LTN1: variants seen among roughly 807,000 people sequenced by gnomAD.
LTN1 encodes the protein E3 ubiquitin-protein ligase listerin.
LTN1 carries 88 observed loss-of-function variants against 201.2 expected under a neutral mutation model. The observed-to-expected ratio is 0.44, with a 90% CI of 0.37 to 0.52. The LOEUF is 0.52. LTN1 is among the 20% of genes least tolerant of loss of function. LTN1 has a pLI of 0.00. For synonymous variants in LTN1, 645 were observed against 713.5 expected (o/e 0.90, Z 1.53); for missense variants, 1,752 against 2,038.7 (o/e 0.86, Z 2.71).
intron 26 of LTN1, among the ~76,000 whole-genome samples, chr21:28,935,939 A>G (rs183065879): frequency 1.2e-3 from 188 of 152,324 alleles, no homozygotes; most frequent in African/African-American, 4.4e-3. Context: ...ATAAAATAGA[A>G]TACACATATT....
chr21:28,964,928 A>G (rs998165780), intron 11 of LTN1, among the ~76,000 whole-genome samples: 1 of 152,176 alleles, frequency 6.6e-6, no homozygotes, highest in African/African-American at 2.4e-5. Flanking sequence ...AGTGTGCCTG[A>G]TAAGTCATAT....
chr21:28,957,244 T>A lies in LTN1; in HGVS notation c.2892+88A>T. ...CAAAGCAAAATACTCATTTTATTTA[T>A]GTTTTTCTTCCCCAAAATAAAAATA... On this transcript the variant is annotated intron_variant, in intron 15 of 29. Coordinates refer to ENST00000361371, the MANE Select transcript of LTN1 (RefSeq NM_015565.3). 3 of 1,271,338 alleles carry A rather than the reference T, an allele frequency of 2.4e-6. No individual in the cohort carries two copies. The South Asian group carries it at 4.6e-5, about 20-fold the overall frequency. The allele number at this position is 1,271,338 out of a possible 1,614,324, so 78.8% of individuals were successfully genotyped here.
At chr21:28,981,422 T>C in intron 5 of LTN1, 123 bp from the exon 6 acceptor site, 1 of 521,796 alleles carries the variant, frequency 1.9e-6, no homozygotes. Context: ...TTCTATCTTC[T>C]ATTTCCCCTG....
chr21:28,983,004 TCA>T, intron 4 of LTN1, among the ~76,000 whole-genome samples: 1 of 152,260 alleles, frequency 6.6e-6, no homozygotes, highest in Middle Eastern at 3.4e-3. Context: ...TTGCCCAAGG[TCA>T]CACACCTAGT....
chr21:28,969,612 A>G lies in LTN1; in HGVS notation c.1176-11T>C, dbSNP rs2084556851. ...CTCTCTGTTGACAGCCTAAGAAATA[A>G]TTAATAACTGGATTACTCTTTCATG... On this transcript the variant is annotated splice_polypyrimidine_tract_variant and intron_variant, in intron 8 of 29. Coordinates refer to ENST00000361371, the MANE Select transcript of LTN1 (RefSeq NM_015565.3). The G allele has an allele frequency of 5.1e-6, 8 of 1,573,926 alleles. No homozygotes were observed. Among genetic ancestry groups the G allele is most frequent in the Non-Finnish European group, 6.0e-6 (7 of 1,164,364 alleles).
At chr21:28,931,533 C>T (rs904210235) in intron 28 of LTN1, among the ~76,000 whole-genome samples, 1 of 152,146 alleles carries the variant, frequency 6.6e-6, no homozygotes. Flanking sequence ...TAAAGACATA[C>T]TTTAAAGGCT....
intron 20 of LTN1, 66 bp downstream of exon 20, chr21:28,946,084 GAC>G (rs2084334856): frequency 6.8e-7 from 1 of 1,476,594 alleles, no homozygotes; most frequent in Non-Finnish European, 9.2e-7. Context: ...ACAAAATTGT[GAC>G]ACAGATACGT....
intron 13 of LTN1, 33 bp downstream of exon 13, chr21:28,959,416 GCCGGAGATT>G: frequency 6.3e-7 from 1 of 1,591,642 alleles, no homozygotes; most frequent in Non-Finnish European, 8.6e-7. Context: ...GAAGGTCAGA[GCCGGAGATT>G]CCCAACAAAA....
intron 19 of LTN1, among the ~76,000 whole-genome samples, chr21:28,947,243 G>A (rs1407232929): frequency 6.6e-6 from 1 of 152,138 alleles, no homozygotes; most frequent in African/African-American, 2.4e-5. Context: ...AAAAGAAATG[G>A]TTAGAAGGTA....
At position 28,929,050 on chromosome 21, in the gene LTN1, T is replaced by C. The variant is rs2084190872; in HGVS notation, c.*1398A>G. Reference sequence around the variant, plus strand: ...ACAATAAATATTTTACAGTAAAATGTAGGAGGCAAACAAAACTGGGCAGGA... The same window carrying C: ...ACAATAAATATTTTACAGTAAAATGCAGGAGGCAAACAAAACTGGGCAGGA... On this transcript the variant is annotated 3_prime_UTR_variant, in exon 30 of 30. Transcript: ENST00000361371. The C allele has an allele frequency of 6.6e-6, 1 of 152,548 alleles. No individual in the cohort carries two copies. Among genetic ancestry groups the C allele is most frequent in the Admixed American group, 6.5e-5 (1 of 15,276 alleles). The allele number at this position is 152,548 out of a possible 1,614,324, so 9.4% of individuals were successfully genotyped here. A position where few individuals can be genotyped will look rare whatever the true frequency, so the allele number is the denominator to read the frequency against.
In LTN1 at chr21:28,970,566, C is replaced by T. The variant is rs376682927; in HGVS notation, c.1161G>A (p.Thr387=). 1.2e-5 allele frequency: 19 copies of T among 1,611,058 alleles called. No individual in the cohort carries two copies. The highest frequency in any genetic ancestry group is 4.0e-5 in the African/African-American group (3 of 74,752). ...AAATTACTTACCCAGCAACTAGAGA[C>T]GTGAGGAAATTTTTGAAGAAATCCA... ...PKLDFFKNFL[T]SLVAGLSTER... is the part of the protein sequence containing the mutation. Residue 387 remains threonine, a synonymous_variant, in exon 8 of 30, where the codon ACG becomes ACA. Coordinates refer to ENST00000361371, the MANE Select transcript of LTN1 (RefSeq NM_015565.3).
chr21:28,965,900 A>T lies in LTN1; in HGVS notation c.2128T>A (p.Leu710Met). ...ATCTTAAGAAGAGAATTCCATTTCAAGTCCACCTGAAAAAAGAAAAAGAGT... is the reference window on the plus strand; with the variant it reads ...ATCTTAAGAAGAGAATTCCATTTCATGTCCACCTGAAAAAAGAAAAAGAGT... ...KVLDDLTKVDLKWNSLLKIIE... is the reference protein window; with the variant it reads ...KVLDDLTKVDMKWNSLLKIIE... Residue 710 changes from leucine to methionine, a missense_variant, in exon 11 of 30, where the codon TTG becomes ATG. By Grantham distance (15) the Leu-to-Met change is conservative. This residue lies in a region of LTN1 where 1,211 missense variants were observed against 1,312.8 expected (regional missense o/e 0.92). Transcript: ENST00000361371. 1 of 1,528,806 alleles carries T rather than the reference A, an allele frequency of 6.5e-7. No individual in the cohort carries two copies. The highest frequency in any genetic ancestry group is 8.9e-7 in the Non-Finnish European group (1 of 1,117,836). The allele number at this position is 1,528,806 out of a possible 1,614,324, so 94.7% of individuals were successfully genotyped here.
chr21:28,962,922 C>T (rs1284278500), intron 11 of LTN1, among the ~76,000 whole-genome samples: 1 of 151,776 alleles, frequency 6.6e-6, no homozygotes, highest in South Asian at 2.1e-4. Context: ...GAAGATCAAA[C>T]GAGCCACAAC....
At chr21:28,979,013 C>G (rs977656529) in intron 6 of LTN1, among the ~76,000 whole-genome samples, 10 of 152,188 alleles carry the variant, frequency 6.6e-5, no homozygotes, top group African/African-American at 2.4e-4. Context: ...CTGAATGTTG[C>G]CTACTGAAGG....
In LTN1 at chr21:28,941,243, A is replaced by G. The variant is rs754029483; in HGVS notation, c.4459T>C (p.Phe1487Leu). The change falls in exon 25 of 30, where the codon TTC becomes CTC. Residue 1487 changes from phenylalanine to leucine, a missense_variant. Physicochemically the swap from Phe to Leu is conservative, Grantham distance 22. This residue lies in a region of LTN1 where 261 missense variants were observed against 350.1 expected (regional missense o/e 0.75). Transcript: ENST00000361371. ...ACCTGTGATGATGCAGCTTTGAAGA[A>G]AGTTAGTATTAATTTCCAAGTGAGA... ...YLLTWKLILT[F>L]FKAASSQLRA... 1 of 1,612,162 alleles carries G rather than the reference A, an allele frequency of 6.2e-7. No individual in the cohort carries two copies. The highest frequency in any genetic ancestry group is 8.5e-7 in the Non-Finnish European group (1 of 1,179,282).
chr21:28,934,094 C>A (rs969029986), intron 27 of LTN1, among the ~76,000 whole-genome samples: 1 of 152,030 alleles, frequency 6.6e-6, no homozygotes, highest in African/African-American at 2.4e-5. Flanking sequence ...TGAATCTTTC[C>A]CACTCAGATC....
intron 6 of LTN1, among the ~76,000 whole-genome samples, chr21:28,978,583 C>T (rs2084634879): frequency 6.6e-6 from 1 of 152,114 alleles, no homozygotes; most frequent in Non-Finnish European, 1.5e-5. Flanking sequence ...ATCTTTATGA[C>T]TTAAAGGTGG....
Position 28,970,737 on chromosome 21 carries a change from A to G in LTN1, c.990T>C (p.Cys330=). The G allele has an allele frequency of 1.2e-6, 2 of 1,612,856 alleles. No homozygotes were observed. The highest frequency in any genetic ancestry group is 1.7e-5 in the Admixed American group (1 of 59,992). Residue 330 remains cysteine, a synonymous_variant, in exon 8 of 30, where the codon TGT becomes TGC. Coordinates refer to ENST00000361371, the MANE Select transcript of LTN1 (RefSeq NM_015565.3). The part of the protein sequence containing the change: ...VLYTLTTIED[C]WLHVNAKKSV... ...TCTTTTTTGCATTTACATGAAGCCA[A>G]CAGTCCTAACCAAACAAAAGATTAT...
At chr21:28,977,966 G>A (rs1016046765) in intron 6 of LTN1, among the ~76,000 whole-genome samples, 2 of 151,430 alleles carry the variant, frequency 1.3e-5, no homozygotes, top group African/African-American at 4.8e-5. Flanking sequence ...CATACTGACA[G>A]TGGCACTGGT....
Sources: allele counts gnomAD v4.1 joint callset (sites outside exome capture counted in the v4.1 genomes callset), GRCh38; gene constraint gnomAD v4.1.1; regional missense constraint gnomAD v4.1.1; transcripts MANE v1.5; gene names NCBI Gene and HGNC (gene_info 2026-07-23, HGNC 2026-07-21).